The following DCDC1 variants were observed in gnomAD, a reference collection of about 807,000 sequenced individuals.
DCDC1 encodes doublecortin domain containing 1.
Under a neutral mutation model 178.3 loss-of-function variants are expected in DCDC1, and 200 were observed. The observed-to-expected ratio is 1.12, with a 90% confidence interval of 1.00 to 1.26. The LOEUF is 1.26. Among genes scored for constraint, DCDC1 ranks in the 50% most tolerant of loss-of-function variants. The pLI, the probability that DCDC1 is intolerant of heterozygous loss-of-function variation, is 0.00. For missense variants in DCDC1, 1,983 were observed against 1,749.2 expected, an observed-to-expected ratio of 1.13 and a Z score of -2.38; for synonymous variants, 690 against 604.8, an observed-to-expected ratio of 1.14 and a Z score of -2.07.
At chr11:31,118,753 C>T (rs745755570) in intron 11 of DCDC1, among the ~76,000 whole-genome samples, 7 of 152,168 alleles carry the variant, frequency 4.6e-5, no homozygotes, top group Non-Finnish European at 1.0e-4. Context: ...GTGGACTTTC[C>T]CCGCTGACTG....
At chr11:30,981,155 C>G (rs868784127) in intron 20 of DCDC1, among the ~76,000 whole-genome samples, 4 of 152,108 alleles carry the variant, frequency 2.6e-5, no homozygotes, top group Middle Eastern at 6.8e-3. Context: ...CATGGACCCA[C>G]AGAGGGAAAG....
chr11:31,051,194 A>T (rs901280775), intron 20 of DCDC1, among the ~76,000 whole-genome samples: 2 of 152,198 alleles, frequency 1.3e-5, no homozygotes, highest in Admixed American at 1.3e-4. Flanking sequence ...GGAAAGTCTC[A>T]GCAATAGAAC....
intron 8 of DCDC1, chr11:31,241,864 T>C (rs1307716312): frequency 3.5e-6 from 1 of 283,438 alleles, no homozygotes; most frequent in African/African-American, 2.2e-5. Context: ...GAAGTGTGCC[T>C]AACTAGCTGC....
chr11:30,870,895 C>T (rs1182815227), intron 38 of DCDC1, among the ~76,000 whole-genome samples: 3 of 152,154 alleles, frequency 2.0e-5, no homozygotes, highest in African/African-American at 7.2e-5. Context: ...AATTTCATTC[C>T]TCAGTAGTGA....
intron 9 of DCDC1, among the ~76,000 whole-genome samples, chr11:31,226,833 T>C (rs1462532963): frequency 1.3e-5 from 2 of 151,982 alleles, no homozygotes; most frequent in African/African-American, 2.4e-5. Flanking sequence ...CCCATAAGTA[T>C]GTGGGTGAAG....
At chr11:31,355,419 G>A (rs577760249) in intron 1 of DCDC1, among the ~76,000 whole-genome samples, 2 of 152,148 alleles carry the variant, frequency 1.3e-5, no homozygotes, top group African/African-American at 2.4e-5. Context: ...AGCTACCTAC[G>A]AACCAGGAGA....
rs760106610 is a variant in DCDC1, at chr11:30,892,914, G to A, written c.4986C>T (p.Asn1662=). 1.2e-6 allele frequency: 2 copies of A among 1,613,884 alleles called. No homozygotes were observed. Among genetic ancestry groups the A allele is most frequent in the South Asian group, 2.2e-5 (2 of 91,078 alleles). ...ATKRIAVKPS[N]LYKQPNTKRV... ...GTTTTGTGTTGGGCTGCTTATACAG[G>A]TTGCTCGGCTTGACTGCTATACGTT... is the stretch of plus-strand genomic sequence containing the variant. The change falls in exon 36 of 39, where the codon AAC becomes AAT. Residue 1662 remains asparagine, a synonymous_variant. Transcript: ENST00000684477.
intron 9 of DCDC1, among the ~76,000 whole-genome samples, chr11:31,177,108 G>A (rs191834705): frequency 7.2e-5 from 11 of 152,002 alleles, no homozygotes; most frequent in African/African-American, 2.7e-4. Flanking sequence ...AATGGCTCAG[G>A]AACATATAAT....
intron 20 of DCDC1, among the ~76,000 whole-genome samples, chr11:31,016,364 T>C (rs290089): frequency 6.6e-6 from 1 of 152,188 alleles, no homozygotes; most frequent in Non-Finnish European, 1.5e-5. Flanking sequence ...GAAATGTTTG[T>C]GCTAAAATAT....
intron 9 of DCDC1, among the ~76,000 whole-genome samples, chr11:31,220,950 A>T (rs1354572705): frequency 6.6e-6 from 1 of 152,058 alleles, no homozygotes; most frequent in African/African-American, 2.4e-5. Context: ...TCTGATAAGG[A>T]CACTATTCCT....
intron 20 of DCDC1, among the ~76,000 whole-genome samples, chr11:31,031,520 A>C (rs2135277985): frequency 6.6e-6 from 1 of 152,166 alleles, no homozygotes; most frequent in East Asian, 1.9e-4. Context: ...TTTGAAAAGC[A>C]AAATACTGAA....
At chr11:31,004,017 G>A (rs1951709345) in intron 20 of DCDC1, among the ~76,000 whole-genome samples, 1 of 152,110 alleles carries the variant, frequency 6.6e-6, no homozygotes, top group Non-Finnish European at 1.5e-5. Context: ...CTGAGAGAAG[G>A]AACTTTTGGA....
chr11:31,107,056 A>T, intron 12 of DCDC1, 96 bp from the exon 13 acceptor site: 2 of 618,408 alleles, frequency 3.2e-6, no homozygotes, highest in Non-Finnish European at 5.7e-6. Flanking sequence ...GTAACAAATG[A>T]AGTCCAAACA....
Position 31,246,480 on chromosome 11 carries a change from A to T in DCDC1, c.1055-4864T>A, listed in dbSNP as rs565270260. 9.3e-5 allele frequency among the ~76,000 whole-genome samples: 14 copies of T among 150,890 alleles called. 1 individual carries two copies. The East Asian group carries it at 1.9e-3, about 21-fold the overall frequency. On this transcript the variant is annotated intron_variant, in intron 8 of 38. Coordinates refer to ENST00000684477, the MANE Select transcript of DCDC1 (RefSeq NM_001387274.1). ...CTATTCAATTGGCTTTTTTTTTTTT[A>T]AATGAAGTTGACCTAAAAAGTCTTC...
intron 35 of DCDC1, 125 bp downstream of exon 35, chr11:30,894,123 A>T: frequency 7.6e-7 from 1 of 1,307,198 alleles, no homozygotes; most frequent in Non-Finnish European, 1.0e-6. Context: ...GCATATGCTT[A>T]TATGGTCATA....
At chr11:31,315,102 C>A (rs918591496) in intron 3 of DCDC1, among the ~76,000 whole-genome samples, 13 of 152,070 alleles carry the variant, frequency 8.5e-5, no homozygotes, top group African/African-American at 2.9e-4. Context: ...TTGACAAGAA[C>A]AATTTTTCTC....
chr11:30,906,912 C>T (rs775213384), intron 29 of DCDC1, among the ~76,000 whole-genome samples, 187 bp from the exon 30 acceptor site: 5 of 151,880 alleles, frequency 3.3e-5, no homozygotes. Context: ...AAAGTATTTC[C>T]AAATTCTGTA....
intron 20 of DCDC1, among the ~76,000 whole-genome samples, chr11:30,981,828 G>A (rs1011449919): frequency 3.3e-5 from 5 of 152,058 alleles, no homozygotes; most frequent in African/African-American, 1.2e-4. Context: ...CATCTGGGCT[G>A]GAATGCTGCA....
chr11:30,980,258 C>A (rs1439809305), intron 20 of DCDC1, among the ~76,000 whole-genome samples: 1 of 152,188 alleles, frequency 6.6e-6, no homozygotes, highest in Non-Finnish European at 1.5e-5. Context: ...GCCATGGCAA[C>A]TTCCCTGGGC....
Sources: allele counts gnomAD v4.1 joint callset (sites outside exome capture counted in the v4.1 genomes callset), GRCh38; gene constraint gnomAD v4.1.1; transcripts MANE v1.5; gene names NCBI Gene and HGNC (gene_info 2026-07-23, HGNC 2026-07-21).